Variants in GRIN2A observed in about 807,000 individuals in gnomAD.
GRIN2A encodes glutamate receptor ionotropic, NMDA 2A.
Under a neutral mutation model 113.4 loss-of-function variants are expected in GRIN2A, and 22 were observed. The ratio of observed to expected loss-of-function variants is 0.19; its 90% confidence interval spans 0.14 to 0.28. GRIN2A has a LOEUF of 0.28. Ranked by LOEUF, GRIN2A falls within the 10% of genes least tolerant of loss-of-function variation. GRIN2A has a pLI of 1.00. For synonymous variants in GRIN2A, 827 were observed against 738.4 expected (o/e 1.12, Z -1.94); for missense variants, 1,502 against 1,887.0 (o/e 0.80, Z 3.78).
At chr16:9,925,751 C>T (rs949233134) in intron 3 of GRIN2A, among the ~76,000 whole-genome samples, 2 of 152,170 alleles carry the variant, frequency 1.3e-5, no homozygotes, top group Admixed American at 6.5e-5. Flanking sequence ...GGGGATATTA[C>T]AGTCCATCTT....
intron 2 of GRIN2A, among the ~76,000 whole-genome samples, chr16:10,002,394 A>T (rs1457859273): frequency 2.0e-5 from 3 of 152,252 alleles, no homozygotes; most frequent in Admixed American, 2.0e-4. Flanking sequence ...TGTGGAATAC[A>T]TTCCCCTAGG....
At chr16:9,772,922 C>CATA (rs1555484405) in intron 11 of GRIN2A, among the ~76,000 whole-genome samples, 2 of 105,014 alleles carry the variant, frequency 1.9e-5, no homozygotes, top group Non-Finnish European at 3.7e-5. Flanking sequence ...ACTTCAATTT[C>CATA]AAAAAAAAAA....
At chr16:10,111,130 A>T (rs1055311571) in intron 2 of GRIN2A, among the ~76,000 whole-genome samples, 3 of 152,262 alleles carry the variant, frequency 2.0e-5, no homozygotes, top group African/African-American at 7.2e-5. Flanking sequence ...TTCCATTTCT[A>T]AAAGGAATCT....
intron 2 of GRIN2A, among the ~76,000 whole-genome samples, chr16:10,104,194 C>T (rs754841466): frequency 1.3e-5 from 2 of 152,154 alleles, no homozygotes; most frequent in Admixed American, 6.5e-5. Context: ...AGAAACTATT[C>T]GACGTATTCA....
chr16:9,993,995 G>A (rs943327882), intron 2 of GRIN2A, among the ~76,000 whole-genome samples: 1 of 152,206 alleles, frequency 6.6e-6, no homozygotes, highest in South Asian at 2.1e-4. Context: ...TACAGGAATT[G>A]CAGATGGAAA....
chr16:10,072,407 C>T (rs138922730), intron 2 of GRIN2A, among the ~76,000 whole-genome samples: 437 of 152,288 alleles, frequency 2.9e-3, no homozygotes, highest in African/African-American at 3.6e-3. Context: ...TTTATGGCTC[C>T]GATGCCTCTC....
chr16:10,081,945 G>A (rs73510691), intron 2 of GRIN2A, among the ~76,000 whole-genome samples: 4,045 of 152,278 alleles, frequency 0.027, 176 homozygotes, highest in African/African-American at 0.092. Flanking sequence ...CCTGGAGTCA[G>A]CCTTGGGTTT....
At chr16:10,161,751 C>G (rs2049813965) in intron 2 of GRIN2A, among the ~76,000 whole-genome samples, 1 of 152,160 alleles carries the variant, frequency 6.6e-6, no homozygotes, top group Admixed American at 6.5e-5. Flanking sequence ...TCCAGAGGCC[C>G]TAGAGGAGGA....
At chr16:10,105,931 C>A (rs1185424489) in intron 2 of GRIN2A, among the ~76,000 whole-genome samples, 2 of 151,800 alleles carry the variant, frequency 1.3e-5, no homozygotes, top group East Asian at 3.9e-4. Context: ...CTAAATAAAG[C>A]AAAATAAAAT....
chr16:9,960,688 G>A (rs977721073), intron 2 of GRIN2A, among the ~76,000 whole-genome samples: 1 of 152,190 alleles, frequency 6.6e-6, no homozygotes, highest in Non-Finnish European at 1.5e-5. Context: ...GCAATGGCAT[G>A]ATCTCAGCTC....
chr16:9,837,905 G>A (rs2042609575), intron 7 of GRIN2A, among the ~76,000 whole-genome samples: 1 of 152,186 alleles, frequency 6.6e-6, no homozygotes, highest in African/African-American at 2.4e-5. Context: ...GAAGCAACGA[G>A]TGCAAAATCA....
intron 2 of GRIN2A, among the ~76,000 whole-genome samples, chr16:10,106,394 C>G (rs1281103190): frequency 6.6e-6 from 1 of 151,582 alleles, no homozygotes; most frequent in African/African-American, 2.4e-5. Context: ...GACCCTGTCT[C>G]TATTTAAAAT....
intron 2 of GRIN2A, among the ~76,000 whole-genome samples, chr16:10,110,754 C>T (rs2048597198): frequency 6.6e-6 from 1 of 152,210 alleles, no homozygotes; most frequent in African/African-American, 2.4e-5. Flanking sequence ...GGCTCCACTC[C>T]TTTCACAGCT....
At position 10,109,014 on chromosome 16, in the gene GRIN2A, TA is replaced by T. The variant is rs56946708; in HGVS notation, c.414+70983del. Among the ~76,000 whole-genome samples, 360 of 114,122 alleles carry T rather than the reference TA, an allele frequency of 3.2e-3. 1 individual carries two copies. The highest frequency in any genetic ancestry group is 0.015 in the East Asian group (58 of 3,962). 74.9% of individuals were successfully genotyped at this position (114,122 alleles called of 152,430 possible). A position where few individuals can be genotyped will look rare whatever the true frequency, so the allele number is the denominator to read the frequency against. On this transcript the variant is annotated intron_variant, in intron 2 of 12. Transcript: ENST00000330684. ...AATGAAACCCAAAGCTGATTCTCTT[TA>T]AAAAAAAAAAAAAAAAAAAACAAAA...
At chr16:9,875,597 G>T (rs561103403) in intron 4 of GRIN2A, among the ~76,000 whole-genome samples, 2 of 152,286 alleles carry the variant, frequency 1.3e-5, no homozygotes, top group African/African-American at 4.8e-5. Flanking sequence ...GGAAATAATA[G>T]AACAGAGACA....
intron 2 of GRIN2A, 56 bp downstream of exon 2, chr16:10,179,942 T>C (rs753989658): frequency 1.6e-6 from 2 of 1,214,708 alleles, no homozygotes; most frequent in Admixed American, 1.9e-5. Context: ...CTGCAGCAGC[T>C]GCCATGCAGC....
At chr16:9,927,998 A>G (rs768791330) in intron 3 of GRIN2A, among the ~76,000 whole-genome samples, 1 of 152,196 alleles carries the variant, frequency 6.6e-6, no homozygotes, top group Non-Finnish European at 1.5e-5. Flanking sequence ...GGTACACCAG[A>G]CACCAGCAGA....
chr16:9,876,395 C>G (rs996166164), intron 4 of GRIN2A, among the ~76,000 whole-genome samples: 1 of 152,152 alleles, frequency 6.6e-6, no homozygotes, highest in African/African-American at 2.4e-5. Context: ...CCTGTTTACC[C>G]CCACATCCGC....
chr16:9,797,410 G>A (rs539005042), intron 11 of GRIN2A, among the ~76,000 whole-genome samples: 16 of 152,276 alleles, frequency 1.1e-4, no homozygotes, highest in African/African-American at 3.4e-4. Context: ...AGGAAACCCC[G>A]GGCTATAGTG....
Sources: allele counts gnomAD v4.1 joint callset (sites outside exome capture counted in the v4.1 genomes callset), GRCh38; gene constraint gnomAD v4.1.1; transcripts MANE v1.5; gene names NCBI Gene and HGNC (gene_info 2026-07-23, HGNC 2026-07-21).